CALB1: variants seen among roughly 807,000 people sequenced by gnomAD.
CALB1 encodes calbindin.
CALB1 carries 16 observed loss-of-function variants against 46.7 expected under a neutral mutation model. That is an observed-to-expected ratio of 0.34 (90% CI 0.23 to 0.52). The LOEUF (loss-of-function observed/expected upper bound fraction) is 0.52. Among genes scored for constraint, CALB1 ranks in the 20% least tolerant of loss-of-function variants. The probability of loss-of-function intolerance (pLI) is 0.95; values close to 1 mark genes in which losing one functional copy is unlikely to be tolerated. For missense variants in CALB1, 224 were observed against 300.3 expected, an observed-to-expected ratio of 0.75 and a Z score of 1.88; for synonymous variants, 90 against 112.8, an observed-to-expected ratio of 0.80 and a Z score of 1.28.
At position 90,082,252 on chromosome 8, in the gene CALB1, C is replaced by T. The variant is rs532276742; in HGVS notation, c.80-150G>A. The stretch of plus-strand genomic sequence containing the variant: ...CCAGCAAAGTGTACAGACGGTGAAG[C>T]GCTCCCCTCCTGGGGTATCAAACTT... On this transcript the variant is annotated intron_variant, in intron 1 of 10. Coordinates refer to ENST00000265431, the MANE Select transcript of CALB1 (RefSeq NM_004929.4). 20 of 667,062 alleles carry T rather than the reference C, an allele frequency of 3.0e-5. No individual in the cohort carries two copies. The East Asian group carries it at 4.5e-4, about 15-fold the overall frequency. The allele number at this position is 667,062 out of a possible 1,614,324, so 41.3% of individuals were successfully genotyped here. A position where few individuals can be genotyped will look rare whatever the true frequency, so the allele number is the denominator to read the frequency against.
At chr8:90,073,479 C>G (rs531469860) in intron 3 of CALB1, among the ~76,000 whole-genome samples, 16 of 152,314 alleles carry the variant, frequency 1.1e-4, no homozygotes, top group African/African-American at 3.6e-4. Flanking sequence ...GTAGGGTCAG[C>G]TGATGTCCCC....
chr8:90,070,605 G>A (rs572660762), intron 3 of CALB1, among the ~76,000 whole-genome samples: 7 of 151,972 alleles, frequency 4.6e-5, no homozygotes, highest in African/African-American at 1.7e-4. Context: ...AAAACCACTC[G>A]ATTTATACGC....
chr8:90,073,501 G>A (rs959998293), intron 3 of CALB1, among the ~76,000 whole-genome samples: 1 of 152,180 alleles, frequency 6.6e-6, no homozygotes, highest in Non-Finnish European at 1.5e-5. Context: ...TTGAGACTGT[G>A]ACACAGCCCA....
intron 3 of CALB1, chr8:90,078,165 A>G (rs1814654021): frequency 2.7e-6 from 1 of 367,240 alleles, no homozygotes; most frequent in Admixed American, 5.0e-5. Context: ...AATATATGAA[A>G]TTTAGGCCCT....
rs993824442 is a variant in CALB1, at chr8:90,067,795, A to G, written c.372+1203T>C. On this transcript the variant is annotated intron_variant, in intron 5 of 10. Transcript: ENST00000265431. ...GGGGAATCATTCTTAGCATTATCAG[A>G]TATTCTAGGTACAAATCCAGGTTCT... is the stretch of plus-strand genomic sequence containing the variant. 5.9e-5 allele frequency among the ~76,000 whole-genome samples: 9 copies of G among 152,186 alleles called. 1 individual carries two copies. The highest frequency in any genetic ancestry group is 5.2e-4 in the Admixed American group (8 of 15,274).
intron 3 of CALB1, among the ~76,000 whole-genome samples, chr8:90,070,986 C>T (rs1185389210): frequency 6.6e-6 from 1 of 151,942 alleles, no homozygotes; most frequent in African/African-American, 2.4e-5. Flanking sequence ...TCAGAAATAA[C>T]ATAATTTAAT....
intron 2 of CALB1, 70 bp from the exon 3 acceptor site, chr8:90,078,517 A>G: frequency 1.1e-6 from 1 of 879,306 alleles, no homozygotes; most frequent in South Asian, 1.5e-5. Flanking sequence ...TGGTGTTAAT[A>G]ACTTACTGCA....
chr8:90,078,935 T>C (rs1214143540), intron 2 of CALB1, among the ~76,000 whole-genome samples: 1 of 152,024 alleles, frequency 6.6e-6, no homozygotes, highest in East Asian at 1.9e-4. Flanking sequence ...AAAGATTAAC[T>C]CACTTTGTAA....
intron 2 of CALB1, 117 bp downstream of exon 2, chr8:90,081,909 A>C: frequency 2.5e-6 from 2 of 810,670 alleles, no homozygotes; most frequent in Non-Finnish European, 4.0e-6. Context: ...TTCGCAGTCA[A>C]TAAACGTTTA....
At chr8:90,064,363 C>T (rs1435100159) in intron 6 of CALB1, 1 of 151,636 alleles carries the variant, frequency 6.6e-6, no homozygotes, top group East Asian at 1.9e-4. Flanking sequence ...CTGATATTGT[C>T]ACACTACCTA....
chr8:90,070,333 C>A (rs1814488232), intron 3 of CALB1, among the ~76,000 whole-genome samples: 1 of 152,206 alleles, frequency 6.6e-6, no homozygotes, highest in Non-Finnish European at 1.5e-5. Context: ...TGGACGGACC[C>A]TCATCCGTGG....
Position 90,082,055 on chromosome 8 carries a change from G to C in CALB1, c.127C>G (p.Leu43Val), listed in dbSNP as rs766617637. The change falls in exon 2 of 11, where the codon CTC becomes GTC. Residue 43 changes from leucine (L) to valine (V), a missense_variant. Transcript: ENST00000265431. ...CCAGCCTTCTTTCGCGCCTGCTGGA[G>C]CTCCTGGATCAAGTTCTGCAGCTCC... ...GKELQNLIQE[L>V]QQARKKAGLE... is the part of the protein sequence containing the mutation. The C allele has an allele frequency of 6.2e-7, 1 of 1,613,956 alleles. No homozygotes were observed. Among genetic ancestry groups the C allele is most frequent in the Non-Finnish European group, 8.5e-7 (1 of 1,179,926 alleles).
chr8:90,077,720 C>A (rs1814646027), intron 3 of CALB1, among the ~76,000 whole-genome samples: 1 of 151,884 alleles, frequency 6.6e-6, no homozygotes, highest in Non-Finnish European at 1.5e-5. Context: ...AATAAGTTGC[C>A]CTTAATAGGA....
intron 1 of CALB1, 22 bp downstream of exon 1, chr8:90,082,597 G>A: frequency 6.2e-7 from 1 of 1,604,458 alleles, no homozygotes; most frequent in Non-Finnish European, 8.5e-7. Flanking sequence ...TCTTGAAACA[G>A]TTAAAAAGAG....
At chr8:90,067,587 A>C (rs938097478) in intron 5 of CALB1, among the ~76,000 whole-genome samples, 1 of 152,302 alleles carries the variant, frequency 6.6e-6, no homozygotes, top group South Asian at 2.1e-4. Context: ...AGAGGATAAA[A>C]TTGAGTATGT....
rs549918788 is a variant in CALB1, at chr8:90,073,490, G to A, written c.232-4253C>T. 8.5e-5 allele frequency among the ~76,000 whole-genome samples: 13 copies of A among 152,284 alleles called. No individual in the cohort carries two copies. The South Asian group carries it at 1.2e-3, about 15-fold the overall frequency. On this transcript the variant is annotated intron_variant, in intron 3 of 10. Coordinates refer to ENST00000265431, the MANE Select transcript of CALB1 (RefSeq NM_004929.4). ...CACTGTAGGGTCAGCTGATGTCCCC[G>A]TTGAGACTGTGACACAGCCCAGCTT...
chr8:90,069,772 A>T (rs769645637), intron 3 of CALB1, among the ~76,000 whole-genome samples: 3 of 152,132 alleles, frequency 2.0e-5, no homozygotes, highest in Non-Finnish European at 4.4e-5. Context: ...ACCAAAGACA[A>T]TCGTAAGGCA....
chr8:90,070,486 T>C (rs1283966374), intron 3 of CALB1, among the ~76,000 whole-genome samples: 2 of 152,174 alleles, frequency 1.3e-5, no homozygotes, highest in Non-Finnish European at 2.9e-5. Context: ...TAATATTTAA[T>C]ATAAAATGCA....
In CALB1 at chr8:90,058,610, A is replaced by T. The variant is rs1196910182; in HGVS notation, c.*1563T>A. 2 of 152,212 alleles carry T rather than the reference A, an allele frequency of 1.3e-5. No homozygotes were observed. The highest frequency in any genetic ancestry group is 2.9e-5 in the Non-Finnish European group (2 of 68,034). The allele number at this position is 152,212 out of a possible 1,614,324, so 9.4% of individuals were successfully genotyped here. On this transcript the variant is annotated 3_prime_UTR_variant, in exon 11 of 11. Coordinates refer to ENST00000265431, the MANE Select transcript of CALB1 (RefSeq NM_004929.4). ...GAAGAAAAAACAAATACAAGAGATTAAGGTTATTTTCTTCTTTATTTATTC... is the reference window on the plus strand; with the variant it reads ...GAAGAAAAAACAAATACAAGAGATTTAGGTTATTTTCTTCTTTATTTATTC...
Sources: allele counts gnomAD v4.1 joint callset (sites outside exome capture counted in the v4.1 genomes callset), GRCh38; gene constraint gnomAD v4.1.1; transcripts MANE v1.5; gene names NCBI Gene and HGNC (gene_info 2026-07-23, HGNC 2026-07-21).